PRR16: variants seen among roughly 807,000 people sequenced by gnomAD.
PRR16 encodes the protein protein Largen.
In PRR16, 6 loss-of-function variants were observed where a neutral mutation model predicts 18.2. The ratio of observed to expected loss-of-function variants is 0.33; its 90% CI spans 0.18 to 0.65. The LOEUF (loss-of-function observed/expected upper bound fraction) is 0.65, where lower values mean the gene tolerates loss of function less well. Ranked by LOEUF, PRR16 falls within the 30% of genes least tolerant of loss-of-function variation. The pLI is 0.74. For missense variants in PRR16, 412 were observed against 376.6 expected, an observed-to-expected ratio of 1.09 and a Z score of -0.78; for synonymous variants, 151 against 147.8, an observed-to-expected ratio of 1.02 and a Z score of -0.16.
At chr5:120,730,014 TC>T in the PRR16 span, among the ~76,000 whole-genome samples, 5 of 152,248 alleles carry the variant, frequency 3.3e-5, no homozygotes, top group Non-Finnish European at 7.4e-5. Flanking sequence ...ATTCTACAAC[TC>T]CCATTTCTCT....
At chr5:120,467,912 G>A (rs1314727642) in intron 1 of PRR16, among the ~76,000 whole-genome samples, 1 of 152,074 alleles carries the variant, frequency 6.6e-6, no homozygotes, top group Admixed American at 6.5e-5. Context: ...CACCTACCAT[G>A]TTCCAAGTAC....
intron 1 of PRR16, among the ~76,000 whole-genome samples, chr5:120,585,687 A>T (rs925757586): frequency 6.6e-6 from 1 of 150,718 alleles, no homozygotes; most frequent in Non-Finnish European, 1.5e-5. Context: ...ATGTAGCTTA[A>T]TTTTTTTTGT....
intron 1 of PRR16, among the ~76,000 whole-genome samples, chr5:120,526,931 A>C (rs10065202): frequency 6.6e-6 from 1 of 152,026 alleles, no homozygotes; most frequent in Non-Finnish European, 1.5e-5. Context: ...GTTGTTGACT[A>C]TAGTGGCAAT....
intron 1 of PRR16, among the ~76,000 whole-genome samples, chr5:120,612,603 G>A (rs984555386): frequency 2.6e-5 from 4 of 152,092 alleles, no homozygotes; most frequent in South Asian, 4.1e-4. Flanking sequence ...TGTAAGAAGT[G>A]TCTTTTGGGT....
At chr5:120,780,965 C>G in the PRR16 span, among the ~76,000 whole-genome samples, 57,883 of 151,918 alleles carry the variant, frequency 0.38, 11,127 homozygotes, top group African/African-American at 0.39. Context: ...CAGGAGAATT[C>G]CTTGAACTTG....
At chr5:120,512,896 T>C (rs532204016) in intron 1 of PRR16, among the ~76,000 whole-genome samples, 8 of 152,208 alleles carry the variant, frequency 5.3e-5, no homozygotes, top group African/African-American at 1.9e-4. Context: ...TCACATACTA[T>C]ATAGATAAGC....
intron 1 of PRR16, among the ~76,000 whole-genome samples, chr5:120,511,729 A>G (rs1291133990): frequency 6.6e-6 from 1 of 152,198 alleles, no homozygotes; most frequent in Admixed American, 6.5e-5. Flanking sequence ...GTCTCATCCT[A>G]TAGAAAAAAG....
the PRR16 span, among the ~76,000 whole-genome samples, chr5:120,694,451 G>A: frequency 2.0e-5 from 3 of 152,220 alleles, no homozygotes; most frequent in Admixed American, 6.5e-5. Flanking sequence ...TTGGGAGACC[G>A]AGGCGGGCGG....
At chr5:120,605,224 T>C (rs1754116678) in intron 1 of PRR16, among the ~76,000 whole-genome samples, 1 of 152,214 alleles carries the variant, frequency 6.6e-6, no homozygotes, top group African/African-American at 2.4e-5. Context: ...ATCCTGTATT[T>C]CTTGGAGGTT....
chr5:120,476,147 A>G (rs760024873), intron 1 of PRR16, among the ~76,000 whole-genome samples: 5 of 152,156 alleles, frequency 3.3e-5, no homozygotes, highest in Non-Finnish European at 7.4e-5. Context: ...CTGCCAGATT[A>G]ATCTAATGTA....
At chr5:120,753,825 T>A in the PRR16 span, among the ~76,000 whole-genome samples, 1 of 135,236 alleles carries the variant, frequency 7.4e-6, no homozygotes, top group Non-Finnish European at 1.5e-5. Flanking sequence ...TATATATTTA[T>A]ATATAATATA....
chr5:120,505,826 TCTC>T (rs1047416852), intron 1 of PRR16, among the ~76,000 whole-genome samples: 2 of 151,838 alleles, frequency 1.3e-5, no homozygotes, highest in African/African-American at 4.8e-5. Context: ...ATTTACTGCT[TCTC>T]TTCTGAAAGT....
intron 1 of PRR16, among the ~76,000 whole-genome samples, chr5:120,597,496 T>C (rs953094350): frequency 1.3e-5 from 2 of 151,766 alleles, no homozygotes; most frequent in Non-Finnish European, 3.0e-5. Flanking sequence ...CAGATTTATT[T>C]TGGAATGTCA....
intron 1 of PRR16, among the ~76,000 whole-genome samples, chr5:120,554,820 A>C (rs1263633571): frequency 1.3e-5 from 2 of 151,862 alleles, no homozygotes; most frequent in Non-Finnish European, 2.9e-5. Flanking sequence ...TACCAGAAAC[A>C]CCTCTCATAA....
chr5:120,617,634 A>G (rs1754559024), intron 1 of PRR16, among the ~76,000 whole-genome samples: 2 of 152,174 alleles, frequency 1.3e-5, no homozygotes, highest in South Asian at 2.1e-4. Context: ...TTGATAAGTT[A>G]TCTTTATATA....
chr5:120,677,847 A>C (rs1756848293), intron 1 of PRR16, among the ~76,000 whole-genome samples: 1 of 150,610 alleles, frequency 6.6e-6, no homozygotes, highest in East Asian at 2.0e-4. Flanking sequence ...AGAAAAGTAT[A>C]TACTTAAACT....
the PRR16 span, among the ~76,000 whole-genome samples, chr5:120,704,651 C>T: frequency 6.6e-6 from 1 of 152,132 alleles, no homozygotes; most frequent in Non-Finnish European, 1.5e-5. Flanking sequence ...AAGCTTCACA[C>T]CCTGATCCCC....
intron 1 of PRR16, among the ~76,000 whole-genome samples, chr5:120,479,819 T>C (rs934661430): frequency 3.3e-5 from 5 of 152,164 alleles, no homozygotes; most frequent in Admixed American, 3.3e-4. Context: ...AGTTTTTAAG[T>C]AACTTTGATA....
At chr5:120,766,423 TTTATTACTTTTCTA>T in the PRR16 span, among the ~76,000 whole-genome samples, 1 of 151,942 alleles carries the variant, frequency 6.6e-6, no homozygotes, top group Non-Finnish European at 1.5e-5. Context: ...ATTCAACTAT[TTTATTACTTTTCTA>T]TTATATCTTT....
Sources: gnomAD v4.1 joint callset for allele counts (sites outside exome capture counted in the v4.1 genomes callset) on GRCh38, gnomAD v4.1.1 for gene constraint, MANE v1.5 for transcripts, NCBI Gene and HGNC (gene_info 2026-07-23, HGNC 2026-07-21) for gene names.